TRMT6: variants seen among roughly 807,000 people sequenced by gnomAD.
The protein encoded by TRMT6 is tRNA (adenine(58)-N(1))-methyltransferase non-catalytic subunit TRM6.
TRMT6 carries 34 observed loss-of-function variants against 59.0 expected under a neutral mutation model. The observed-to-expected ratio is 0.58, with a 90% CI of 0.44 to 0.77. The LOEUF is 0.77. TRMT6 is among the 30% of genes least tolerant of loss of function. The pLI, the probability that TRMT6 is intolerant of heterozygous loss-of-function variation, is 0.00. For missense variants in TRMT6, 575 were observed against 604.5 expected, an observed-to-expected ratio of 0.95 and a Z score of 0.51; for synonymous variants, 217 against 210.5, an observed-to-expected ratio of 1.03 and a Z score of -0.27.
In TRMT6 at chr20:5,950,397, G is replaced by T; in HGVS notation, c.9C>A (p.Gly3=). Residue 3 remains glycine (G), a synonymous_variant, in exon 1 of 11, where the codon GGC becomes GGA. Coordinates refer to ENST00000203001, the MANE Select transcript of TRMT6 (RefSeq NM_015939.5). The stretch of plus-strand genomic sequence containing the variant: ...GTTGTGGGCCCGGCTGCTCCCCTGA[G>T]CCCTCCATGACGCTCAGCCGGTCGC... ME[G]SGEQPGPQPQ... 6.2e-7 allele frequency: 1 copy of T among 1,600,690 alleles called. No individual in the cohort carries two copies.
Position 5,937,939 on chromosome 20 carries a change from T to G in TRMT6, c.*596A>C, listed in dbSNP as rs572428562. 12 of 152,290 alleles carry G rather than the reference T, an allele frequency of 7.9e-5. 1 individual carries two copies. Among genetic ancestry groups the G allele is most frequent in the South Asian group, 4.1e-4 (2 of 4,828 alleles). The allele number at this position is 152,290 out of a possible 1,614,324, so 9.4% of individuals were successfully genotyped here. On this transcript the variant is annotated 3_prime_UTR_variant, in exon 11 of 11. Coordinates refer to ENST00000203001, the MANE Select transcript of TRMT6 (RefSeq NM_015939.5). ...GGCAAATTAATGCAAAAAAGTACCC[T>G]ACTAAACCTTTCTATGCACAAAAAA... is the stretch of plus-strand genomic sequence containing the variant.
intron 7 of TRMT6, 135 bp from the exon 8 acceptor site, chr20:5,942,171 G>T (rs561564398): frequency 1.2e-6 from 1 of 850,986 alleles, no homozygotes; most frequent in Admixed American, 2.3e-5. Context: ...TGTTTATAAG[G>T]AAGTTGCAAA....
intron 8 of TRMT6, 176 bp from the exon 9 acceptor site, chr20:5,941,521 G>T: frequency 1.7e-6 from 1 of 602,412 alleles, no homozygotes. Flanking sequence ...TTTCTTTCTA[G>T]GAAACGCGAA....
chr20:5,950,499 G>C lies in TRMT6; in HGVS notation c.-94C>G. The C allele has an allele frequency of 7.2e-7, 1 of 1,397,452 alleles. No individual in the cohort carries two copies. Among genetic ancestry groups the C allele is most frequent in the Non-Finnish European group, 9.5e-7 (1 of 1,057,348 alleles). 86.6% of individuals were successfully genotyped at this position (1,397,452 alleles called of 1,614,324 possible). On this transcript the variant is annotated 5_prime_UTR_variant, in exon 1 of 11. Transcript: ENST00000203001. ...TCACTTCCCACAACCTGGCGCACTA[G>C]GAGCCCTCCGACCGGCACCGCCCCC...
At chr20:5,943,823 T>C in intron 5 of TRMT6, 125 bp downstream of exon 5, 1 of 1,516,108 alleles carries the variant, frequency 6.6e-7, no homozygotes, top group Non-Finnish European at 8.8e-7. Context: ...GTAAAAGGAC[T>C]TACAATTTAT....
In TRMT6 at chr20:5,937,535, CAG is replaced by C. The variant is rs1376813233; in HGVS notation, c.*998_*999del. ...AGAAAGGGTAACCATCTAATCATGA[CAG>C]AGTTCTTCAGCATTAATAATCAAGA... On this transcript the variant is annotated 3_prime_UTR_variant, in exon 11 of 11. Transcript: ENST00000203001. The C allele has an allele frequency of 6.6e-6, 1 of 152,188 alleles. No homozygotes were observed. The highest frequency in any genetic ancestry group is 2.4e-5 in the African/African-American group (1 of 41,440). 9.4% of individuals were successfully genotyped at this position (152,188 alleles called of 1,614,324 possible). A position where few individuals can be genotyped will look rare whatever the true frequency, so the allele number is the denominator to read the frequency against.
In TRMT6 at chr20:5,942,355, A is replaced by T. The variant is rs771976861; in HGVS notation, c.1026+73T>A. ...GAGCTAATACACCAAAGCCAAACTA[A>T]ATCTCATGACTTAACTGAAGTTAAC... On this transcript the variant is annotated intron_variant, in intron 7 of 10. Transcript: ENST00000203001. 9 of 1,366,396 alleles carry T rather than the reference A, an allele frequency of 6.6e-6. No homozygotes were observed. In the East Asian group the frequency reaches 1.8e-4, roughly 28 times the overall value. 84.6% of individuals were successfully genotyped at this position (1,366,396 alleles called of 1,614,324 possible).
Position 5,943,993 on chromosome 20 carries a change from C to T in TRMT6, c.497G>A (p.Arg166His), listed in dbSNP as rs757764826. The T allele has an allele frequency of 1.8e-5, 29 of 1,609,500 alleles. No individual in the cohort carries two copies. Among genetic ancestry groups the T allele is most frequent in the Admixed American group, 5.0e-5 (3 of 59,594 alleles). The change falls in exon 5 of 11, where the codon CGT (arginine) becomes CAT (histidine). Residue 166 changes from arginine (R) to histidine (H), a missense_variant. Coordinates refer to ENST00000203001, the MANE Select transcript of TRMT6 (RefSeq NM_015939.5). ...TGCATAATACATAATTGAAAGAATACGGGTGGATGGCTTCACAACAGTAAT... is the reference window on the plus strand; with the variant it reads ...TGCATAATACATAATTGAAAGAATATGGGTGGATGGCTTCACAACAGTAAT... ...AIITVVKPST[R>H]ILSIMYYARE...
In TRMT6 at chr20:5,946,510, C is replaced by A; in HGVS notation, c.152G>T (p.Trp51Leu). ...RRKKVTFEKQ[W>L]FYLDNVIGHS... Reference sequence around the variant, plus strand: ...GCCAATGACGTTATCCAGGTAGAACCACTGTTTTTCGAAAGTTACTTTTCT... The same window carrying A: ...GCCAATGACGTTATCCAGGTAGAACAACTGTTTTTCGAAAGTTACTTTTCT... The change falls in exon 2 of 11, where the codon TGG (tryptophan) becomes TTG (leucine). Residue 51 changes from tryptophan (W) to leucine (L), a missense_variant. Trp to Leu is a moderately conservative substitution (Grantham distance 61, BLOSUM62 -2). Coordinates refer to ENST00000203001, the MANE Select transcript of TRMT6 (RefSeq NM_015939.5). The A allele has an allele frequency of 6.2e-7, 1 of 1,614,056 alleles. No homozygotes were observed. Among genetic ancestry groups the A allele is most frequent in the South Asian group, 1.1e-5 (1 of 91,068 alleles).
intron 8 of TRMT6, 22 bp downstream of exon 8, chr20:5,941,929 C>T: frequency 6.2e-7 from 1 of 1,606,344 alleles, no homozygotes; most frequent in Non-Finnish European, 8.5e-7. Flanking sequence ...GAGGAGTCTC[C>T]TGCCTTCTTC....
At position 5,950,424 on chromosome 20, in the gene TRMT6, G is replaced by T; in HGVS notation, c.-19C>A. On this transcript the variant is annotated 5_prime_UTR_variant, in exon 1 of 11. Transcript: ENST00000203001. ...CCTCCATGACGCTCAGCCGGTCGCC[G>T]TGCTCCACGGCGTCCCGCCCCTCCT... 6.5e-7 allele frequency: 1 copy of T among 1,550,226 alleles called. No individual in the cohort carries two copies.
Position 5,950,503 on chromosome 20 carries a change from C to T in TRMT6, c.-98G>A. The T allele has an allele frequency of 5.8e-6, 8 of 1,370,316 alleles. 1 individual carries two copies. Among genetic ancestry groups the T allele is most frequent in the South Asian group, 4.3e-5 (3 of 69,476 alleles). The allele number at this position is 1,370,316 out of a possible 1,614,324, so 84.9% of individuals were successfully genotyped here. A position where few individuals can be genotyped will look rare whatever the true frequency, so the allele number is the denominator to read the frequency against. On this transcript the variant is annotated 5_prime_UTR_variant, in exon 1 of 11. Coordinates refer to ENST00000203001, the MANE Select transcript of TRMT6 (RefSeq NM_015939.5). ...TTCCCACAACCTGGCGCACTAGGAG[C>T]CCTCCGACCGGCACCGCCCCCACGT...
chr20:5,950,187 C>A (rs933894360), intron 1 of TRMT6, 91 bp downstream of exon 1: 1 of 1,396,902 alleles, frequency 7.2e-7, no homozygotes, highest in Non-Finnish European at 9.7e-7. Context: ...AGAATGGCAC[C>A]CTGGCGGAAG....
At position 5,943,729 on chromosome 20, in the gene TRMT6, T is replaced by G. The variant is rs768381478; in HGVS notation, c.543-46A>C. 19 of 1,581,112 alleles carry G rather than the reference T, an allele frequency of 1.2e-5. No homozygotes were observed. The South Asian group carries it at 2.0e-4, about 17-fold the overall frequency. On this transcript the variant is annotated intron_variant, in intron 5 of 10. Coordinates refer to ENST00000203001, the MANE Select transcript of TRMT6 (RefSeq NM_015939.5). ...TGTTCATTTTTAGCTAAGTAAAGCC[T>G]ATTATTTTAATCATCATTTTTCAAG...
At chr20:5,941,542 A>C (rs1235037435) in intron 8 of TRMT6, 197 bp from the exon 9 acceptor site, 1 of 588,430 alleles carries the variant, frequency 1.7e-6, no homozygotes, top group Non-Finnish European at 3.0e-6. Flanking sequence ...CTAGGTTAGA[A>C]GCTCTTGTGG....
intron 10 of TRMT6, among the ~76,000 whole-genome samples, chr20:5,939,682 A>C (rs2088639775): frequency 1.3e-5 from 2 of 152,068 alleles, no homozygotes; most frequent in Admixed American, 6.5e-5. Flanking sequence ...TCTATGGAGA[A>C]GTTGCTACTG....
Position 5,938,227 on chromosome 20 carries a change from GT to G in TRMT6, c.*307del. On this transcript the variant is annotated 3_prime_UTR_variant, in exon 11 of 11. Coordinates refer to ENST00000203001, the MANE Select transcript of TRMT6 (RefSeq NM_015939.5). ...TATTCCACTTAGCTTAAAATATAAA[GT>G]CTTGTAGAAACACATTTTTAGGATG... The G allele has an allele frequency of 4.0e-6, 1 of 248,552 alleles. No homozygotes were observed. Among genetic ancestry groups the G allele is most frequent in the Non-Finnish European group, 7.7e-6 (1 of 129,538 alleles). The allele number at this position is 248,552 out of a possible 1,614,324, so 15.4% of individuals were successfully genotyped here.
At position 5,937,348 on chromosome 20, in the gene TRMT6, T is replaced by C. The variant is rs1233501952; in HGVS notation, c.*1187A>G. 1.3e-5 allele frequency: 2 copies of C among 152,250 alleles called. No homozygotes were observed. The highest frequency in any genetic ancestry group is 2.9e-5 in the Non-Finnish European group (2 of 68,052). 9.4% of individuals were successfully genotyped at this position (152,250 alleles called of 1,614,324 possible). A position where few individuals can be genotyped will look rare whatever the true frequency, so the allele number is the denominator to read the frequency against. The stretch of plus-strand genomic sequence containing the variant: ...AAAAATTTTTTTTCTGAGATGTTCC[T>C]TGCTGTATGATACAGGCCTATTCTA... On this transcript the variant is annotated 3_prime_UTR_variant, in exon 11 of 11. Coordinates refer to ENST00000203001, the MANE Select transcript of TRMT6 (RefSeq NM_015939.5).
chr20:5,945,016 C>G, intron 2 of TRMT6, 102 bp from the exon 3 acceptor site: 1 of 881,486 alleles, frequency 1.1e-6, no homozygotes, highest in South Asian at 1.5e-5. Context: ...CCACTCAAGT[C>G]TGGCCTCCCA....
Sources: allele counts gnomAD v4.1 joint callset (sites outside exome capture counted in the v4.1 genomes callset), GRCh38; gene constraint gnomAD v4.1.1; transcripts MANE v1.5; gene names NCBI Gene and HGNC (gene_info 2026-07-23, HGNC 2026-07-21).